The following GRIA1 variants were observed in gnomAD, a reference collection of about 807,000 sequenced individuals.
GRIA1 encodes glutamate ionotropic receptor AMPA type subunit 1, also known as glutamate receptor 1.
GRIA1 carries 31 observed loss-of-function variants against 99.2 expected under a neutral mutation model. That is an observed-to-expected ratio of 0.31 (90% CI 0.23 to 0.42). The LOEUF is 0.42. GRIA1 is among the 10% of genes least tolerant of loss of function. The probability of loss-of-function intolerance (pLI) is 1.00; values close to 1 mark genes in which losing one functional copy is unlikely to be tolerated. For synonymous variants in GRIA1, 438 were observed against 432.4 expected, an observed-to-expected ratio of 1.01 and a Z score of -0.16; for missense variants, 782 against 1,157.5, an observed-to-expected ratio of 0.68 and a Z score of 4.71.
At chr5:153,725,435 T>C (rs1277843193) in intron 11 of GRIA1, among the ~76,000 whole-genome samples, 1 of 140,792 alleles carries the variant, frequency 7.1e-6, no homozygotes, top group Non-Finnish European at 1.5e-5. Flanking sequence ...ATGCTCCAAT[T>C]AAAAGACACA....
At chr5:153,592,523 A>AT (rs1581282266) in intron 2 of GRIA1, among the ~76,000 whole-genome samples, 1 of 152,148 alleles carries the variant, frequency 6.6e-6, no homozygotes, top group Admixed American at 6.5e-5. Flanking sequence ...TTTTTAATTT[A>AT]TTTTTTCTCC....
intron 14 of GRIA1, among the ~76,000 whole-genome samples, chr5:153,797,564 C>A (rs1765726348): frequency 6.6e-6 from 1 of 152,216 alleles, no homozygotes; most frequent in African/African-American, 2.4e-5. Flanking sequence ...TCTGTGGGGA[C>A]ACCCATGTTA....
rs565642098 is a variant in GRIA1, at chr5:153,725,145, CTA to C, written c.1823+19079_1823+19080del. ...ACCCAGAATTTCATATCCAGCCAAA[CTA>C]AGCTTCATAAATGAAGGAGAAATAA... On this transcript the variant is annotated intron_variant, in intron 11 of 15. Transcript: ENST00000285900. Among the ~76,000 whole-genome samples, 1,276 of 152,078 alleles carry C rather than the reference CTA, an allele frequency of 8.4e-3. 7 individuals carry two copies. Among genetic ancestry groups the C allele is most frequent in the Middle Eastern group, 0.014 (4 of 294 alleles).
chr5:153,607,734 C>T (rs1357952886), intron 2 of GRIA1, among the ~76,000 whole-genome samples: 2 of 151,974 alleles, frequency 1.3e-5, no homozygotes, highest in Admixed American at 6.6e-5. Flanking sequence ...TATTTAACTG[C>T]TAATGTACAT....
At chr5:153,574,460 T>A (rs1011689010) in intron 2 of GRIA1, 11 of 152,212 alleles carry the variant, frequency 7.2e-5, no homozygotes, top group African/African-American at 2.7e-4. Flanking sequence ...AGCCTCTTTT[T>A]AACTTTAATG....
chr5:153,768,468 C>G (rs957655603), intron 12 of GRIA1, among the ~76,000 whole-genome samples: 1 of 152,106 alleles, frequency 6.6e-6, no homozygotes, highest in Non-Finnish European at 1.5e-5. Context: ...CACAGCCAGT[C>G]CAGTGTCCTT....
At chr5:153,791,675 G>T (rs182452659) in intron 13 of GRIA1, among the ~76,000 whole-genome samples, 3 of 152,244 alleles carry the variant, frequency 2.0e-5, no homozygotes, top group East Asian at 3.9e-4. Context: ...AGGATTAAAT[G>T]AAATAAAGCA....
intron 11 of GRIA1, among the ~76,000 whole-genome samples, chr5:153,730,297 G>A (rs10477084): frequency 0.53 from 80,579 of 151,912 alleles, 22,390 homozygotes; most frequent in East Asian, 0.94. Context: ...GCTCCATGAA[G>A]GTAAGGACCT....
intron 2 of GRIA1, among the ~76,000 whole-genome samples, chr5:153,595,749 TATATATATAATTA>T (rs1764374531): frequency 6.8e-6 from 1 of 148,080 alleles, no homozygotes; most frequent in African/African-American, 2.4e-5. Flanking sequence ...TATAATATAA[TATATATATAATTA>T]ATATATATAA....
chr5:153,661,817 A>C (rs1252891760), intron 5 of GRIA1, among the ~76,000 whole-genome samples: 1 of 152,238 alleles, frequency 6.6e-6, no homozygotes. Context: ...ATATGCAAAT[A>C]AGTAGTTAAA....
At chr5:153,538,725 C>G (rs1758808076) in intron 2 of GRIA1, among the ~76,000 whole-genome samples, 1 of 152,180 alleles carries the variant, frequency 6.6e-6, no homozygotes, top group Non-Finnish European at 1.5e-5. Flanking sequence ...TGCGTTAGCA[C>G]AACATGTCCC....
At chr5:153,716,614 A>AG (rs1391900349) in intron 11 of GRIA1, among the ~76,000 whole-genome samples, 11 of 151,910 alleles carry the variant, frequency 7.2e-5, no homozygotes, top group Non-Finnish European at 1.3e-4. Context: ...AGCTGGAGTG[A>AG]GGGAGATGGT....
intron 2 of GRIA1, among the ~76,000 whole-genome samples, chr5:153,620,683 TA>T (rs1311035721): frequency 6.6e-6 from 1 of 152,196 alleles, no homozygotes; most frequent in Non-Finnish European, 1.5e-5. Context: ...TTTAAAATAC[TA>T]TTTCATTTTT....
At chr5:153,550,533 G>A (rs1246636130) in intron 2 of GRIA1, among the ~76,000 whole-genome samples, 1 of 152,018 alleles carries the variant, frequency 6.6e-6, no homozygotes, top group African/African-American at 2.4e-5. Context: ...ATTCTAATAG[G>A]TACAATTGTT....
intron 13 of GRIA1, among the ~76,000 whole-genome samples, chr5:153,776,909 T>C (rs985624623): frequency 6.6e-5 from 10 of 152,172 alleles, no homozygotes; most frequent in African/African-American, 2.4e-4. Context: ...CCTGGAATCC[T>C]TTTTTTGCCT....
At chr5:153,558,886 AC>A (rs1433847101) in intron 2 of GRIA1, among the ~76,000 whole-genome samples, 1 of 152,040 alleles carries the variant, frequency 6.6e-6, no homozygotes, top group Non-Finnish European at 1.5e-5. Flanking sequence ...GGCCCCACTG[AC>A]CTTGCTGCTT....
intron 2 of GRIA1, among the ~76,000 whole-genome samples, chr5:153,590,753 T>C (rs1763902214): frequency 6.6e-6 from 1 of 152,202 alleles, no homozygotes; most frequent in Non-Finnish European, 1.5e-5. Context: ...CTATACCAAG[T>C]TATCATAAAA....
intron 2 of GRIA1, among the ~76,000 whole-genome samples, chr5:153,614,868 T>G (rs1212740985): frequency 6.6e-6 from 1 of 152,198 alleles, no homozygotes; most frequent in African/African-American, 2.4e-5. Context: ...AAATTATTAT[T>G]TTAGATTCAG....
intron 13 of GRIA1, among the ~76,000 whole-genome samples, chr5:153,778,796 CTA>C (rs1764448300): frequency 6.6e-6 from 1 of 152,022 alleles, no homozygotes; most frequent in African/African-American, 2.4e-5. Flanking sequence ...TCTTTCTGCT[CTA>C]TTTGAATTCC....
Sources: gnomAD v4.1 joint callset for allele counts (sites outside exome capture counted in the v4.1 genomes callset) on GRCh38, gnomAD v4.1.1 for gene constraint, MANE v1.5 for transcripts, NCBI Gene and HGNC (gene_info 2026-07-23, HGNC 2026-07-21) for gene names.